GPR157: variants seen among roughly 807,000 people sequenced by gnomAD.
GPR157 encodes the protein G-protein coupled receptor 157.
In GPR157, 16 loss-of-function variants were observed where a neutral mutation model predicts 23.5. The observed-to-expected ratio is 0.68, with a 90% CI of 0.46 to 1.04. The LOEUF is 1.04. GPR157 is among the 50% of genes least tolerant of loss of function. The pLI is 0.00. For synonymous variants in GPR157, 200 were observed against 221.5 expected (o/e 0.90, Z 0.86); for missense variants, 440 against 460.7 (o/e 0.96, Z 0.41).
At chr1:9,117,004 G>A (rs1170640947) in intron 1 of GPR157, among the ~76,000 whole-genome samples, 10 of 152,056 alleles carry the variant, frequency 6.6e-5, no homozygotes, top group Non-Finnish European at 1.3e-4. Flanking sequence ...GCCTCTCAAA[G>A]TGCTGGGATT....
intron 3 of GPR157, 95 bp from the exon 4 acceptor site, chr1:9,104,729 G>A (rs1019374095): frequency 2.8e-5 from 25 of 886,948 alleles, no homozygotes; most frequent in Middle Eastern, 3.5e-4. Flanking sequence ...GGCTGGGTGC[G>A]GTGGCTCACA....
intron 1 of GPR157, among the ~76,000 whole-genome samples, chr1:9,113,773 A>G (rs7547932): frequency 0.76 from 114,864 of 151,386 alleles, 44,079 homozygotes; most frequent in East Asian, 0.98. Context: ...GTGAAACCCC[A>G]TCTCTACTAA....
Position 9,117,851 on chromosome 1 carries a change from C to T in GPR157, c.384-6362G>A, listed in dbSNP as rs561587824. ...TGACATGTAACACCTAACAGTTTTT[C>T]CCCCCTTCATACGGGAAGCCACCAC... On this transcript the variant is annotated intron_variant, in intron 1 of 3. Transcript: ENST00000377411. 3.9e-5 allele frequency among the ~76,000 whole-genome samples: 6 copies of T among 152,254 alleles called. No homozygotes were observed. In the East Asian group the frequency reaches 1.2e-3, roughly 29 times the overall value.
intron 1 of GPR157, among the ~76,000 whole-genome samples, chr1:9,116,786 G>T (rs571430133): frequency 6.6e-6 from 1 of 150,910 alleles, no homozygotes; most frequent in African/African-American, 2.4e-5. Context: ...CTGTTGCCCA[G>T]ACTGGAGTGC....
chr1:9,125,976 T>G (rs1638955203), intron 1 of GPR157, among the ~76,000 whole-genome samples: 1 of 151,974 alleles, frequency 6.6e-6, no homozygotes, highest in East Asian at 1.9e-4. Flanking sequence ...CCTTTTTTTT[T>G]TTTTTTGATA....
rs772987467 is a variant in GPR157 at position 9,128,551 on chromosome 1, G to T, written c.383+94C>A. 19 of 1,197,114 alleles carry T rather than the reference G, an allele frequency of 1.6e-5. No homozygotes were observed. The highest frequency in any genetic ancestry group is 1.6e-4 in the South Asian group (12 of 76,814). 74.2% of individuals were successfully genotyped at this position (1,197,114 alleles called of 1,614,324 possible). A position where few individuals can be genotyped will look rare whatever the true frequency, so the allele number is the denominator to read the frequency against. On this transcript the variant is annotated intron_variant, in intron 1 of 3. Transcript: ENST00000377411. The surrounding 1 kb of genome is among the most constrained non-coding windows in gnomAD (Gnocchi z 6.3). ...AGGCACTGCTTGCTGTGGGTAGGGG[G>T]TGTCCAACCTAGACGCGGCCTCTGG...
At chr1:9,106,447 GTCGCAGCGGGGCC>G (rs1638331348) in intron 2 of GPR157, among the ~76,000 whole-genome samples, 1 of 152,152 alleles carries the variant, frequency 6.6e-6, no homozygotes, top group Admixed American at 6.5e-5. Context: ...GCTCCTTACG[GTCGCAGCGGGGCC>G]AACCCTTATG....
At position 9,104,632 on chromosome 1, in the gene GPR157, AC is replaced by A; in HGVS notation, c.794del (p.Gly265ValfsTer199). The A allele has an allele frequency of 6.3e-7, 1 of 1,592,938 alleles. No homozygotes were observed. Among genetic ancestry groups the A allele is most frequent in the Non-Finnish European group, 8.6e-7 (1 of 1,167,730 alleles). ...VQTPVLVVLH[G>X]IGNTFQGGAN... is the part of the protein sequence containing the mutation. ...CACCTCCCTGAAACGTGTTCCCGAT[AC>A]CCTGTCGGGAGAAAAGGAGCTGTGA... is the stretch of plus-strand genomic sequence containing the variant. On this transcript the variant is annotated frameshift_variant and splice_region_variant, in exon 4 of 4. Transcript: ENST00000377411. LOFTEE classifies it low-confidence loss of function (END_TRUNC).
Position 9,118,243 on chromosome 1 carries a change from C to A in GPR157, c.384-6754G>T, listed in dbSNP as rs1022947226. Among the ~76,000 whole-genome samples, 1 of 152,090 alleles carries A rather than the reference C, an allele frequency of 6.6e-6. No homozygotes were observed. The highest frequency in any genetic ancestry group is 1.5e-5 in the Non-Finnish European group (1 of 68,024). On this transcript the variant is annotated intron_variant, in intron 1 of 3. Transcript: ENST00000377411. This position sits in a 1 kb window ranked among gnomAD's most constrained non-coding sequence, Gnocchi z 4.6. Reference sequence around the variant, plus strand: ...GGCGGGGTCCTGCCCAGTCCTAAATCTGGGGGCTGAATAGGCAGCTTCCAC... The same window carrying A: ...GGCGGGGTCCTGCCCAGTCCTAAATATGGGGGCTGAATAGGCAGCTTCCAC...
At chr1:9,112,881 TGA>T (rs1379963451) in intron 1 of GPR157, among the ~76,000 whole-genome samples, 3 of 152,222 alleles carry the variant, frequency 2.0e-5, no homozygotes, top group African/African-American at 7.2e-5. Flanking sequence ...TAGTGGCTCC[TGA>T]GAGAGGCAGG....
At position 9,102,341 on chromosome 1, in the gene GPR157, G is replaced by A. The variant is rs1321394994; in HGVS notation, c.*2078C>T. On this transcript the variant is annotated 3_prime_UTR_variant, in exon 4 of 4. Coordinates refer to ENST00000377411, the MANE Select transcript of GPR157 (RefSeq NM_024980.5). ...CAGGAGAATCGCTTGAACCTGGGAG[G>A]CGGTGGTTGCAGTGAGTCAAAATTG... 6.6e-6 allele frequency: 1 copy of A among 150,886 alleles called. No homozygotes were observed. Among genetic ancestry groups the A allele is most frequent in the African/African-American group, 2.4e-5 (1 of 40,880 alleles). 9.3% of individuals were successfully genotyped at this position (150,886 alleles called of 1,614,324 possible).
intron 1 of GPR157, among the ~76,000 whole-genome samples, chr1:9,122,884 C>T (rs935274050): frequency 3.3e-5 from 5 of 151,956 alleles, no homozygotes; most frequent in African/African-American, 1.2e-4. Context: ...AGGCCAGCTG[C>T]GGTGGCTCAC....
rs1195070161 is a variant in GPR157 at position 9,111,480 on chromosome 1, G to A, written c.393C>T (p.Val131=). 6.2e-7 allele frequency: 1 copy of A among 1,613,384 alleles called. No individual in the cohort carries two copies. Among genetic ancestry groups the A allele is most frequent in the Non-Finnish European group, 8.5e-7 (1 of 1,179,486 alleles). ...LWAFHVVSWG[V]PLVITVAAVA... ...CGGCTGCCACAGTGATGACCAACGG[G>A]ACCCCCCAGCTGAGGAAGGAGGAGA... Residue 131 remains valine, a synonymous_variant, in exon 2 of 4, where the codon GTC becomes GTT. Transcript: ENST00000377411.
rs1642591786 is a variant in GPR157 at position 9,103,480 on chromosome 1, G to A, written c.*939C>T. 1 of 152,058 alleles carries A rather than the reference G, an allele frequency of 6.6e-6. No individual in the cohort carries two copies. The highest frequency in any genetic ancestry group is 2.4e-5 in the African/African-American group (1 of 41,370). 9.4% of individuals were successfully genotyped at this position (152,058 alleles called of 1,614,324 possible). A position where few individuals can be genotyped will look rare whatever the true frequency, so the allele number is the denominator to read the frequency against. ...TGCCCGGCCTGAGGAATCGTATTTGGATTACTCATCTCTCCGGCCACTTTA... is the reference window on the plus strand; with the variant it reads ...TGCCCGGCCTGAGGAATCGTATTTGAATTACTCATCTCTCCGGCCACTTTA... On this transcript the variant is annotated 3_prime_UTR_variant, in exon 4 of 4. Transcript: ENST00000377411.
At chr1:9,109,315 T>TCGAGG (rs2124510585) in intron 2 of GPR157, among the ~76,000 whole-genome samples, 1 of 149,500 alleles carries the variant, frequency 6.7e-6, no homozygotes, top group African/African-American at 2.5e-5. Flanking sequence ...ACTCCTGACC[T>TCGAGG]CAGGTGATCT....
chr1:9,123,448 T>C (rs1569977026), intron 1 of GPR157, among the ~76,000 whole-genome samples: 2 of 117,548 alleles, frequency 1.7e-5, no homozygotes, highest in East Asian at 4.6e-4. Context: ...TTTAAATACA[T>C]ATTAAAATAT....
chr1:9,113,883 C>T (rs1164053248), intron 1 of GPR157, among the ~76,000 whole-genome samples: 3 of 150,238 alleles, frequency 2.0e-5, no homozygotes, highest in African/African-American at 7.4e-5. Flanking sequence ...GCAGAGGTTG[C>T]GGTGAGCCGA....
chr1:9,106,526 C>T (rs896993257), intron 2 of GPR157, among the ~76,000 whole-genome samples: 1 of 152,222 alleles, frequency 6.6e-6, no homozygotes, highest in East Asian at 1.9e-4. Flanking sequence ...GCTGCAGACA[C>T]GCAGCACCCC....
intron 1 of GPR157, among the ~76,000 whole-genome samples, chr1:9,115,903 G>A (rs961901437): frequency 2.7e-5 from 4 of 147,836 alleles, no homozygotes; most frequent in South Asian, 2.1e-4. Flanking sequence ...ATTGTCTACC[G>A]CTGCTTTCAG....
Sources: gnomAD v4.1 joint callset for allele counts (sites outside exome capture counted in the v4.1 genomes callset) on GRCh38, gnomAD v4.1.1 for gene constraint, Gnocchi (gnomAD v3.1) non-coding constraint, MANE v1.5 for transcripts, NCBI Gene and HGNC (gene_info 2026-07-23, HGNC 2026-07-21) for gene names.